Variants in DCHS1 observed in about 807,000 individuals in gnomAD.
The protein encoded by DCHS1 is protocadherin-16.
Under a neutral mutation model 213.9 loss-of-function variants are expected in DCHS1, and 78 were observed. The observed-to-expected ratio is 0.36, with a 90% CI of 0.30 to 0.44. The LOEUF is 0.44. DCHS1 is among the 20% of genes least tolerant of loss of function. The pLI, the probability that DCHS1 is intolerant of heterozygous loss-of-function variation, is 1.00. For synonymous variants in DCHS1, 1,828 were observed against 1,873.7 expected (o/e 0.98, Z 0.63); for missense variants, 3,946 against 4,395.9 (o/e 0.90, Z 2.89).
intron 1 of DCHS1, among the ~76,000 whole-genome samples, chr11:6,645,210 G>T (rs1375936269): frequency 6.6e-6 from 1 of 152,190 alleles, no homozygotes; most frequent in Non-Finnish European, 1.5e-5. Context: ...AGAATGCTGG[G>T]GTTGTATGTG....
intron 2 of DCHS1, among the ~76,000 whole-genome samples, chr11:6,634,746 G>A (rs1855964358): frequency 6.6e-6 from 1 of 151,244 alleles, no homozygotes; most frequent in Non-Finnish European, 1.5e-5. Context: ...CATTTAAACA[G>A]TGAAATCATC....
Position 6,637,639 on chromosome 11 carries a change from C to T in DCHS1, c.1797+2178G>A, listed in dbSNP as rs182146975. On this transcript the variant is annotated intron_variant, in intron 2 of 20. Transcript: ENST00000299441. ...TCACCTCTGCTTGGAAGCCTTCCCCCATCTGATACTCTCATAAATTGCTCA... is the reference window on the plus strand; with the variant it reads ...TCACCTCTGCTTGGAAGCCTTCCCCTATCTGATACTCTCATAAATTGCTCA... Among the ~76,000 whole-genome samples, 602 of 151,984 alleles carry T rather than the reference C, an allele frequency of 4.0e-3. 2 individuals carry two copies. Among genetic ancestry groups the T allele is most frequent in the Middle Eastern group, 6.8e-3 (2 of 294 alleles).
rs1228638350 is a variant in DCHS1, at chr11:6,629,889, C to G, written c.4818G>C (p.Pro1606=). 7.4e-6 allele frequency: 12 copies of G among 1,612,542 alleles called. No individual in the cohort carries two copies. Among genetic ancestry groups the G allele is most frequent in the Non-Finnish European group, 1.0e-5 (12 of 1,179,472 alleles). The change falls in exon 11 of 21, where the codon CCG becomes CCC. Residue 1606 remains proline, a synonymous_variant. Coordinates refer to ENST00000299441, the MANE Select transcript of DCHS1 (RefSeq NM_003737.4). The part of the protein sequence containing the change: ...SSTGALSVVR[P]LDREQRAEHV... Reference sequence around the variant, plus strand: ...GCTCAGCTCGTTGTTCGCGGTCCAACGGCCGCACCACGGACAGCGCTCCTA... The same window carrying G: ...GCTCAGCTCGTTGTTCGCGGTCCAAGGGCCGCACCACGGACAGCGCTCCTA...
At position 6,626,386 on chromosome 11, in the gene DCHS1, C is replaced by A. The variant is rs139304730; in HGVS notation, c.6365-6G>T. On this transcript the variant is annotated splice_region_variant and splice_polypyrimidine_tract_variant and intron_variant, in intron 15 of 20. Transcript: ENST00000299441. This position sits in a 1 kb window ranked among gnomAD's most constrained non-coding sequence, Gnocchi z 5.2. ...TGAGCGAACTGTGATGGCACCTGGG[C>A]GAGATAGAATGCATCAGTGATAGCC... is the stretch of plus-strand genomic sequence containing the variant. 4 of 1,612,474 alleles carry A rather than the reference C, an allele frequency of 2.5e-6. No homozygotes were observed. Among genetic ancestry groups the A allele is most frequent in the Non-Finnish European group, 3.4e-6 (4 of 1,179,210 alleles).
rs750640776 is a variant in DCHS1, at chr11:6,633,584, C to A, written c.2283G>T (p.Gly761=). Residue 761 remains glycine, a synonymous_variant, in exon 5 of 21, where the codon GGG becomes GGT. Transcript: ENST00000299441. ...RANSVVQLEI[G]AEDGGGLQAE... is the part of the protein sequence containing the mutation. The stretch of plus-strand genomic sequence containing the variant: ...CCTGTAGGCCACCTCCGTCCTCAGC[C>A]CCGATCTCCAGCTGCACCACAGAAT... 1.3e-6 allele frequency: 2 copies of A among 1,595,676 alleles called. No individual in the cohort carries two copies. The highest frequency in any genetic ancestry group is 1.7e-6 in the Non-Finnish European group (2 of 1,171,020).
In DCHS1 at chr11:6,625,142, C is replaced by T; in HGVS notation, c.7146+56G>A. On this transcript the variant is annotated intron_variant, in intron 19 of 20. Coordinates refer to ENST00000299441, the MANE Select transcript of DCHS1 (RefSeq NM_003737.4). This position sits in a 1 kb window ranked among gnomAD's most constrained non-coding sequence, Gnocchi z 5.3. ...TCAGCAGCTGCTAGCTCTGATACTT[C>T]CCTCCAACAGGAACAACCCAGGCCC... 1 of 1,528,318 alleles carries T rather than the reference C, an allele frequency of 6.5e-7. No homozygotes were observed. The highest frequency in any genetic ancestry group is 8.8e-7 in the Non-Finnish European group (1 of 1,138,892). The allele number at this position is 1,528,318 out of a possible 1,614,324, so 94.7% of individuals were successfully genotyped here.
At chr11:6,634,649 T>G (rs1044381164) in intron 2 of DCHS1, among the ~76,000 whole-genome samples, 1 of 151,976 alleles carries the variant, frequency 6.6e-6, no homozygotes, top group Admixed American at 6.5e-5. Flanking sequence ...AAAGCTTATC[T>G]AACATATGTA....
chr11:6,623,365 C>G lies in DCHS1; in HGVS notation c.8311G>C (p.Val2771Leu). The change falls in exon 21 of 21, where the codon GTG (valine) becomes CTG (leucine). Residue 2771 changes from valine (V) to leucine (L), a missense_variant. Val to Leu is a conservative substitution (Grantham distance 32, BLOSUM62 1). This residue lies in a region of DCHS1 where 3,384 missense variants were observed against 3,780.1 expected (regional missense o/e 0.90). Transcript: ENST00000299441. ...NSSTGELRAR[V>L]PFDYEHTESF... The stretch of plus-strand genomic sequence containing the variant: ...TCTGTGTGCTCATAGTCAAAGGGCA[C>G]TCGCGCACGCAACTCCCCTGTTGAG... 1 of 1,597,612 alleles carries G rather than the reference C, an allele frequency of 6.3e-7. No homozygotes were observed. Among genetic ancestry groups the G allele is most frequent in the Non-Finnish European group, 8.5e-7 (1 of 1,172,106 alleles).
intron 2 of DCHS1, 84 bp downstream of exon 2, chr11:6,639,733 T>C: frequency 1.7e-6 from 2 of 1,206,670 alleles, no homozygotes; most frequent in Non-Finnish European, 1.2e-6. Flanking sequence ...CAGATGACCT[T>C]GTAAGGCTTG....
chr11:6,634,389 G>C (rs762596322), intron 2 of DCHS1, 83 bp from the exon 3 acceptor site: 22 of 1,447,236 alleles, frequency 1.5e-5, no homozygotes, highest in Admixed American at 4.7e-5. Context: ...TGAACAACTG[G>C]TGCTAAGTCT....
rs759875346 is a variant in DCHS1, at chr11:6,631,828, G to C, written c.3482-19C>G. 1 of 1,511,226 alleles carries C rather than the reference G, an allele frequency of 6.6e-7. No individual in the cohort carries two copies. The highest frequency in any genetic ancestry group is 1.4e-5 in the African/African-American group (1 of 71,690). 93.6% of individuals were successfully genotyped at this position (1,511,226 alleles called of 1,614,324 possible). ...ACTTCTCCTGGGAGTGCAAGAAGGC[G>C]ATCATGTACGAGATGTTTAAGGATG... On this transcript the variant is annotated intron_variant, in intron 6 of 20. Transcript: ENST00000299441.
In DCHS1 at chr11:6,633,507, G is replaced by C. The variant is rs770648978; in HGVS notation, c.2360C>G (p.Pro787Arg). The C allele has an allele frequency of 3.8e-6, 6 of 1,583,580 alleles. No individual in the cohort carries two copies. In the East Asian group the frequency reaches 1.4e-4, roughly 36 times the overall value. The change falls in exon 5 of 21, where the codon CCA (proline) becomes CGA (arginine). Residue 787 changes from proline (P) to arginine (R), a missense_variant. Coordinates refer to ENST00000299441, the MANE Select transcript of DCHS1 (RefSeq NM_003737.4). ...DISIVPGTPT[P>R]PIFEQLQYVF... Reference sequence around the variant, plus strand: ...ATACTGTAGTTGCTCAAATATGGGTGGTGTGGGGGTTCCAGGCACAATGCT... The same window carrying C: ...ATACTGTAGTTGCTCAAATATGGGTCGTGTGGGGGTTCCAGGCACAATGCT...
Position 6,640,193 on chromosome 11 carries a change from C to G in DCHS1, c.1421G>C (p.Arg474Pro). Residue 474 changes from arginine (R) to proline (P), a missense_variant, in exon 2 of 21, where the codon CGC becomes CCC. Arg to Pro is a moderately radical substitution (Grantham distance 103). This residue lies in a region of DCHS1 where 3,384 missense variants were observed against 3,780.1 expected (regional missense o/e 0.90). Transcript: ENST00000299441. The surrounding 1 kb of genome is among the most constrained non-coding windows in gnomAD (Gnocchi z 6.5). ...DVNDNAPAFD[R>P]QLYRPEPLPE... ...CAGGGGCTCAGGTCGGTAGAGCTGGCGGTCAAAGGCAGGTGCATTGTCGTT... is the reference window on the plus strand; with the variant it reads ...CAGGGGCTCAGGTCGGTAGAGCTGGGGGTCAAAGGCAGGTGCATTGTCGTT... The G allele has an allele frequency of 6.2e-7, 1 of 1,613,536 alleles. No homozygotes were observed. Among genetic ancestry groups the G allele is most frequent in the Non-Finnish European group, 8.5e-7 (1 of 1,179,692 alleles).
At chr11:6,655,492 G>T in intron 1 of DCHS1, 71 bp downstream of exon 1, 1 of 918,814 alleles carries the variant, frequency 1.1e-6, no homozygotes, top group Non-Finnish European at 1.3e-6. Flanking sequence ...CGCCGCCGCT[G>T]CCGCAGCCCA....
chr11:6,626,876 T>C lies in DCHS1; in HGVS notation c.6163A>G (p.Ile2055Val), dbSNP rs1393489753. The C allele has an allele frequency of 1.9e-6, 3 of 1,613,394 alleles. No individual in the cohort carries two copies. The South Asian group carries it at 3.3e-5, about 18-fold the overall frequency. Residue 2055 changes from isoleucine to valine, a missense_variant, in exon 14 of 21, where the codon ATT (isoleucine) becomes GTT (valine). Coordinates refer to ENST00000299441, the MANE Select transcript of DCHS1 (RefSeq NM_003737.4). The surrounding 1 kb of genome is among the most constrained non-coding windows in gnomAD (Gnocchi z 5.2). ...TCAGCTTCCCCCTGCAGTCCAACAA[T>C]GATCACACCAGTGGCAGAGCGAGCT... The part of the protein sequence containing the change: ...RPARSATGVI[I>V]VGLQGEAERG...
chr11:6,640,620 C>T lies in DCHS1; in HGVS notation c.994G>A (p.Val332Met), dbSNP rs1413559157. ...TGAGCCCCACCATCTCGTGCTTGCA[C>T]CACCAGTTCATGGACCCGCCGCTGC... Reference protein sequence around the residue: ...FEQRRVHELVVQARDGGAHPE... With the variant: ...FEQRRVHELVMQARDGGAHPE... Residue 332 changes from valine to methionine, a missense_variant, in exon 2 of 21, where the codon GTG becomes ATG. Val to Met is a conservative substitution (Grantham distance 21, BLOSUM62 1). Coordinates refer to ENST00000299441, the MANE Select transcript of DCHS1 (RefSeq NM_003737.4). The surrounding 1 kb of genome is among the most constrained non-coding windows in gnomAD (Gnocchi z 6.5). The T allele has an allele frequency of 6.2e-7, 1 of 1,609,772 alleles. No individual in the cohort carries two copies. The highest frequency in any genetic ancestry group is 8.5e-7 in the Non-Finnish European group (1 of 1,179,874).
At chr11:6,624,547 T>A (rs1294366494) in intron 20 of DCHS1, among the ~76,000 whole-genome samples, 157 bp from the exon 21 acceptor site, 2 of 152,198 alleles carry the variant, frequency 1.3e-5, no homozygotes, top group African/African-American at 4.8e-5. Context: ...GATTCACAGC[T>A]TAGGGAACAG....
intron 1 of DCHS1, among the ~76,000 whole-genome samples, chr11:6,642,276 A>G (rs139428321): frequency 5.6e-4 from 85 of 152,296 alleles, no homozygotes; most frequent in African/African-American, 2.0e-3. Flanking sequence ...TTGAGCACCT[A>G]CAATATAGAG....
chr11:6,627,597 G>A lies in DCHS1; in HGVS notation c.5442C>T (p.Asp1814=), dbSNP rs918882323. Reference sequence around the variant, plus strand: ...GCTGGAAAGCTGGCTCCACTTCTCTGTCTAGTGGCCGCATGGTGCCAAACT... The same window carrying A: ...GCTGGAAAGCTGGCTCCACTTCTCTATCTAGTGGCCGCATGGTGCCAAACT... ...SGEFGTMRPL[D]REVEPAFQLR... Residue 1814 remains aspartate (D), a synonymous_variant, in exon 14 of 21, where the codon GAC becomes GAT. Transcript: ENST00000299441. This position sits in a 1 kb window ranked among gnomAD's most constrained non-coding sequence, Gnocchi z 5.4. The A allele has an allele frequency of 6.2e-7, 1 of 1,613,140 alleles. No homozygotes were observed. The highest frequency in any genetic ancestry group is 8.5e-7 in the Non-Finnish European group (1 of 1,179,770).
Sources: allele counts gnomAD v4.1 joint callset (sites outside exome capture counted in the v4.1 genomes callset), GRCh38; gene constraint gnomAD v4.1.1; regional missense constraint gnomAD v4.1.1; non-coding constraint Gnocchi (gnomAD v3.1); transcripts MANE v1.5; gene names NCBI Gene and HGNC (gene_info 2026-07-23, HGNC 2026-07-21).